Variants in DMRTC2 observed in about 807,000 individuals in gnomAD.
DMRTC2 encodes the protein DMRT like family C2, also known as doublesex- and mab-3-related transcription factor C2.
DMRTC2 carries 13 observed loss-of-function variants against 39.9 expected under a neutral mutation model. The ratio of observed to expected loss-of-function variants is 0.33; its 90% CI spans 0.21 to 0.52. DMRTC2 has a LOEUF of 0.52. Ranked by LOEUF, DMRTC2 falls within the 20% of genes least tolerant of loss-of-function variation. DMRTC2 has a pLI of 0.96. For synonymous variants in DMRTC2, 189 were observed against 185.2 expected (o/e 1.02, Z -0.17); for missense variants, 431 against 472.8 (o/e 0.91, Z 0.82).
intron 3 of DMRTC2, 63 bp downstream of exon 3, chr19:41,847,944 G>A (rs1017298624): frequency 2.6e-6 from 4 of 1,524,244 alleles, no homozygotes; most frequent in Non-Finnish European, 3.5e-6. Context: ...ATGGGAAAAA[G>A]AGGCCCAGTC....
At chr19:41,846,024 GA>G (rs2073833261) in intron 1 of DMRTC2, among the ~76,000 whole-genome samples, 2 of 146,882 alleles carry the variant, frequency 1.4e-5, no homozygotes, top group African/African-American at 4.9e-5. Context: ...AAAAAAAAAA[GA>G]AAGTGGAGCA....
At chr19:41,848,678 G>A in intron 4 of DMRTC2, 117 bp from the exon 5 acceptor site, 1 of 1,543,070 alleles carries the variant, frequency 6.5e-7, no homozygotes, top group South Asian at 1.1e-5. Context: ...GGCAAAATGA[G>A]GGGAAAACGA....
At position 41,850,693 on chromosome 19, in the gene DMRTC2, C is replaced by A; in HGVS notation, c.984C>A (p.Gly328=). 1 of 1,572,894 alleles carries A rather than the reference C, an allele frequency of 6.4e-7. No individual in the cohort carries two copies. The highest frequency in any genetic ancestry group is 8.6e-7 in the Non-Finnish European group (1 of 1,161,162). The change falls in exon 8 of 9, where the codon GGC becomes GGA. Residue 328 remains glycine, a synonymous_variant. Coordinates refer to ENST00000269945, the MANE Select transcript of DMRTC2 (RefSeq NM_001040283.3). ...PAWISLLHPC[G]PPAPAGGRGF... ...GGATCTCCCTGCTTCACCCCTGTGG[C>A]CCACCAGGTGGGCCATGAAAGGAGA...
chr19:41,846,716 C>T (rs111635239), intron 1 of DMRTC2, among the ~76,000 whole-genome samples: 3,474 of 151,906 alleles, frequency 0.023, 145 homozygotes, highest in African/African-American at 0.079. Flanking sequence ...TACAGGCACC[C>T]GCCACCACGC....
intron 1 of DMRTC2, among the ~76,000 whole-genome samples, chr19:41,845,588 C>A (rs572929576): frequency 5.2e-4 from 79 of 152,034 alleles, no homozygotes; most frequent in Non-Finnish European, 9.6e-4. Context: ...TTTGGGAGGC[C>A]GAAGCAGGCA....
intron 1 of DMRTC2, 97 bp from the exon 2 acceptor site, chr19:41,847,328 G>T: frequency 6.9e-7 from 1 of 1,455,656 alleles, no homozygotes; most frequent in Non-Finnish European, 9.0e-7. Context: ...GGTCTAAAGA[G>T]GGGCAGGATG....
Position 41,850,652 on chromosome 19 carries a change from C to T in DMRTC2, c.943C>T (p.Pro315Ser), listed in dbSNP as rs1453774821. ...GGCTCCTCGTGTGACCCCTTCTGTG[C>T]CCCCCAACCCTGCCTGGATCTCCCT... ...SQAPRVTPSV[P>S]PNPAWISLLH... is the part of the protein sequence containing the mutation. The change falls in exon 8 of 9, where the codon CCC becomes TCC. Residue 315 changes from proline to serine, a missense_variant. By Grantham distance (74) the Pro-to-Ser change is moderately conservative. Transcript: ENST00000269945. 1.2e-6 allele frequency: 2 copies of T among 1,606,320 alleles called. No homozygotes were observed. The highest frequency in any genetic ancestry group is 1.7e-6 in the Non-Finnish European group (2 of 1,176,564).
Position 41,848,018 on chromosome 19 carries a change from C to T in DMRTC2, c.370+137C>T. ...TCTACTCCCTCGGCCTCAGCTGTCC[C>T]AGCGTTGAGAGAATGCAGCGAGTTC... On this transcript the variant is annotated intron_variant, in intron 3 of 8. Transcript: ENST00000269945. 4 of 1,276,410 alleles carry T rather than the reference C, an allele frequency of 3.1e-6. No individual in the cohort carries two copies. The South Asian group carries it at 6.3e-5, about 20-fold the overall frequency. 79.1% of individuals were successfully genotyped at this position (1,276,410 alleles called of 1,614,324 possible).
chr19:41,849,931 G>T (rs1195765003), intron 6 of DMRTC2, among the ~76,000 whole-genome samples: 1 of 152,264 alleles, frequency 6.6e-6, no homozygotes, highest in East Asian at 1.9e-4. Context: ...AATTAAAACA[G>T]CCAGGAATGG....
intron 1 of DMRTC2, among the ~76,000 whole-genome samples, chr19:41,846,649 G>C (rs1459715052): frequency 6.6e-6 from 1 of 151,996 alleles, no homozygotes; most frequent in Non-Finnish European, 1.5e-5. Context: ...CTCACTGCCA[G>C]CTCTGCCTCC....
intron 3 of DMRTC2, 103 bp from the exon 4 acceptor site, chr19:41,848,349 A>G (rs2123216168): frequency 9.4e-7 from 1 of 1,066,482 alleles, no homozygotes; most frequent in Middle Eastern, 2.1e-4. Flanking sequence ...CCATCTCAAA[A>G]AAAAAAAATG....
rs782666341 is a variant in DMRTC2, at chr19:41,848,686, C to T, written c.448-109C>T. 184 of 1,560,948 alleles carry T rather than the reference C, an allele frequency of 1.2e-4. No individual in the cohort carries two copies. The Middle Eastern group carries it at 1.3e-3, about 11-fold the overall frequency. On this transcript the variant is annotated intron_variant, in intron 4 of 8. Transcript: ENST00000269945. ...TTCTCTAGGCAAAATGAGGGGAAAA[C>T]GAGGGCCTCCCAGCCCCAAAGTTTT...
intron 1 of DMRTC2, among the ~76,000 whole-genome samples, chr19:41,846,628 C>T (rs1454431329): frequency 6.6e-6 from 1 of 151,988 alleles, no homozygotes; most frequent in Non-Finnish European, 1.5e-5. Context: ...AGTGCAGTGG[C>T]GCGATCATGG....
At chr19:41,850,998 CTCTGGACCCA>C in intron 8 of DMRTC2, 1 of 346,640 alleles carries the variant, frequency 2.9e-6, no homozygotes, top group South Asian at 1.0e-4. Flanking sequence ...AATGCTCTGT[CTCTGGACCCA>C]GGCTGCCTGC....
At chr19:41,848,355 A>G (rs1212190845) in intron 3 of DMRTC2, 97 bp from the exon 4 acceptor site, 2 of 1,106,632 alleles carry the variant, frequency 1.8e-6, no homozygotes, top group African/African-American at 3.2e-5. Context: ...CAAAAAAAAA[A>G]AATGAGCTAG....
chr19:41,851,523 G>A, intron 8 of DMRTC2, 61 bp from the exon 9 acceptor site: 1 of 1,397,276 alleles, frequency 7.2e-7, no homozygotes, highest in South Asian at 1.2e-5. Flanking sequence ...GGTAAAAAGA[G>A]GGGGTTGCTA....
Position 41,848,493 on chromosome 19 carries a change from G to T in DMRTC2, c.412G>T (p.Gly138Trp). 1 of 1,604,354 alleles carries T rather than the reference G, an allele frequency of 6.2e-7. No homozygotes were observed. Among genetic ancestry groups the T allele is most frequent in the Non-Finnish European group, 8.5e-7 (1 of 1,175,462 alleles). Residue 138 changes from glycine (G) to tryptophan (W), a missense_variant, in exon 4 of 9, where the codon GGG becomes TGG. By Grantham distance (184) the Gly-to-Trp change is radical. Coordinates refer to ENST00000269945, the MANE Select transcript of DMRTC2 (RefSeq NM_001040283.3). ...NIAPQPQTPHGAVLLAPTPPG... is the reference protein window; with the variant it reads ...NIAPQPQTPHWAVLLAPTPPG... The stretch of plus-strand genomic sequence containing the variant: ...AGCACCCCAGCCTCAGACCCCCCAT[G>T]GGGCAGTCCTGCTGGCACCGACACC...
upstream of DMRTC2, chr19:41,844,973 G>A (rs960670692): frequency 6.6e-6 from 1 of 152,288 alleles, no homozygotes; most frequent in African/African-American, 2.4e-5. Context: ...GAGAGGCGAT[G>A]CTTGAAGTTC....
At chr19:41,851,151 A>G (rs782497476) in intron 8 of DMRTC2, 4 of 200,242 alleles carry the variant, frequency 2.0e-5, no homozygotes, top group Non-Finnish European at 4.0e-5. Context: ...AGGAACCTTG[A>G]AGAGTGAGAA....
Sources: allele counts gnomAD v4.1 joint callset (sites outside exome capture counted in the v4.1 genomes callset), GRCh38; gene constraint gnomAD v4.1.1; transcripts MANE v1.5; gene names NCBI Gene and HGNC (gene_info 2026-07-23, HGNC 2026-07-21).